Variants in PLEKHA5 observed in about 807,000 individuals in gnomAD.
PLEKHA5 encodes pleckstrin homology domain-containing family A member 5.
PLEKHA5 carries 55 observed loss-of-function variants against 181.9 expected under a neutral mutation model. That is an observed-to-expected ratio of 0.30 (90% CI 0.24 to 0.38). PLEKHA5 has a LOEUF of 0.38. Among genes scored for constraint, PLEKHA5 ranks in the 10% least tolerant of loss-of-function variants. PLEKHA5 has a pLI of 1.00. For missense variants in PLEKHA5, 1,432 were observed against 1,549.5 expected, an observed-to-expected ratio of 0.92 and a Z score of 1.27; for synonymous variants, 535 against 529.4, an observed-to-expected ratio of 1.01 and a Z score of -0.15.
intron 3 of PLEKHA5, among the ~76,000 whole-genome samples, chr12:19,219,511 C>T (rs2058589805): frequency 1.7e-5 from 1 of 60,064 alleles, no homozygotes; most frequent in Non-Finnish European, 4.5e-5. Context: ...CTCCTGTTTC[C>T]CTTCTTTTTT....
At chr12:19,305,466 C>T (rs1400346030) in intron 15 of PLEKHA5, among the ~76,000 whole-genome samples, 1 of 151,006 alleles carries the variant, frequency 6.6e-6, no homozygotes, top group Admixed American at 6.6e-5. Context: ...GAGGCTGAGG[C>T]AGGAGAATCA....
chr12:19,339,835 G>A (rs2093721001), intron 21 of PLEKHA5, among the ~76,000 whole-genome samples: 1 of 152,052 alleles, frequency 6.6e-6, no homozygotes, highest in African/African-American at 2.4e-5. Flanking sequence ...GTTATTATGA[G>A]GATAAATATG....
At chr12:19,175,999 A>G (rs1038962841) in intron 3 of PLEKHA5, among the ~76,000 whole-genome samples, 1 of 152,196 alleles carries the variant, frequency 6.6e-6, no homozygotes, top group African/African-American at 2.4e-5. Context: ...CCAGAAGGTA[A>G]TCCCTTTTGA....
rs77092105 is a variant in PLEKHA5 at position 19,284,827 on chromosome 12, G to A, written c.1779+1082G>A. On this transcript the variant is annotated intron_variant, in intron 12 of 31. Coordinates refer to ENST00000429027, the MANE Select transcript of PLEKHA5 (RefSeq NM_001256470.2). ...TCACACCTGTATTCCCAACACTTTG[G>A]GGAGCCAAGGCCATAGGATCACTTG... Among the ~76,000 whole-genome samples, 30 of 152,168 alleles carry A rather than the reference G, an allele frequency of 2.0e-4. 1 individual carries two copies. The East Asian group carries it at 5.8e-3, about 30-fold the overall frequency.
At chr12:19,218,967 A>G (rs1342848278) in intron 3 of PLEKHA5, among the ~76,000 whole-genome samples, 1 of 147,928 alleles carries the variant, frequency 6.8e-6, no homozygotes, top group Non-Finnish European at 1.5e-5. Flanking sequence ...TTATACTCTA[A>G]GTTTTAGGGT....
At chr12:19,148,554 C>A (rs2039542122) in intron 3 of PLEKHA5, among the ~76,000 whole-genome samples, 1 of 152,138 alleles carries the variant, frequency 6.6e-6, no homozygotes, top group African/African-American at 2.4e-5. Context: ...TCAGGACAAC[C>A]CCACAGAGTA....
chr12:19,332,401 T>A (rs2092934615), intron 20 of PLEKHA5, among the ~76,000 whole-genome samples: 1 of 152,172 alleles, frequency 6.6e-6, no homozygotes, highest in African/African-American at 2.4e-5. Flanking sequence ...ATCAAGACAT[T>A]GAATTTTACT....
chr12:19,209,439 G>T (rs1207324706), intron 3 of PLEKHA5, among the ~76,000 whole-genome samples: 1 of 152,140 alleles, frequency 6.6e-6, no homozygotes, highest in Non-Finnish European at 1.5e-5. Flanking sequence ...GCAGAAATAG[G>T]AGGCACCACC....
chr12:19,244,003 C>T (rs1475404836), intron 3 of PLEKHA5, among the ~76,000 whole-genome samples: 1 of 151,988 alleles, frequency 6.6e-6, no homozygotes, highest in Admixed American at 6.6e-5. Flanking sequence ...ACATTTTTCT[C>T]CTTTTTATTA....
intron 3 of PLEKHA5, among the ~76,000 whole-genome samples, chr12:19,236,218 T>G (rs1211257458): frequency 6.6e-6 from 1 of 152,236 alleles, no homozygotes; most frequent in Non-Finnish European, 1.5e-5. Context: ...TTACCTTTTC[T>G]GCTAGTTAGT....
At chr12:19,196,225 C>T (rs2052695111) in intron 3 of PLEKHA5, among the ~76,000 whole-genome samples, 1 of 152,076 alleles carries the variant, frequency 6.6e-6, no homozygotes, top group African/African-American at 2.4e-5. Context: ...TATGTCAGTA[C>T]TGATTAAGCA....
At chr12:19,309,782 C>T (rs1439995171) in intron 15 of PLEKHA5, among the ~76,000 whole-genome samples, 1 of 151,886 alleles carries the variant, frequency 6.6e-6, no homozygotes, top group Non-Finnish European at 1.5e-5. Flanking sequence ...TGTATAAAAC[C>T]GATACATTTG....
chr12:19,164,197 G>GT lies in PLEKHA5; in HGVS notation c.227+31766dup, dbSNP rs59712166. 0.016 allele frequency among the ~76,000 whole-genome samples: 1,486 copies of GT among 92,790 alleles called. 117 individuals carry two copies. In the East Asian group the frequency reaches 0.25, roughly 15 times the overall value. 60.9% of individuals were successfully genotyped at this position (92,790 alleles called of 152,430 possible). A position where few individuals can be genotyped will look rare whatever the true frequency, so the allele number is the denominator to read the frequency against. Reference sequence around the variant, plus strand: ...CACTTCTTGCTCTCCAGATGTTTTTGTTTTTTTTTTTTTTTTTTTGAGATG... The same window carrying GT: ...CACTTCTTGCTCTCCAGATGTTTTTGTTTTTTTTTTTTTTTTTTTTGAGATG... On this transcript the variant is annotated intron_variant, in intron 3 of 31. Transcript: ENST00000429027.
chr12:19,296,413 T>C (rs2079812768), intron 15 of PLEKHA5, among the ~76,000 whole-genome samples: 1 of 151,754 alleles, frequency 6.6e-6, no homozygotes, highest in African/African-American at 2.4e-5. Flanking sequence ...CCGGGCCTGG[T>C]GGTGTGTGCC....
rs188577060 is a variant in PLEKHA5 at position 19,263,176 on chromosome 12, T to A, written c.610+2155T>A. Among the ~76,000 whole-genome samples, 1,044 of 151,882 alleles carry A rather than the reference T, an allele frequency of 6.9e-3. 8 individuals carry two copies. Among genetic ancestry groups the A allele is most frequent in the African/African-American group, 0.023 (970 of 41,454 alleles). The stretch of plus-strand genomic sequence containing the variant: ...AGTGAGATCATAATAGCCTATATAT[T>A]TTTTTTTGCATATTTAGTATTTGTT... On this transcript the variant is annotated intron_variant, in intron 7 of 31. Coordinates refer to ENST00000429027, the MANE Select transcript of PLEKHA5 (RefSeq NM_001256470.2).
rs769115148 is a variant in PLEKHA5, at chr12:19,283,289, T to C, written c.1323T>C (p.Ser441=). The C allele has an allele frequency of 6.3e-7, 1 of 1,595,428 alleles. No individual in the cohort carries two copies. Among genetic ancestry groups the C allele is most frequent in the South Asian group, 1.1e-5 (1 of 88,550 alleles). ...GHEEETRGVI[S]YQTLPRNMPS... ...TATTTTTTTATTTTAGAGTAATTTC[T>C]TACCAAACATTACCAAGAAATATGC... Residue 441 remains serine (S), a synonymous_variant, in exon 12 of 32, where the codon TCT becomes TCC. Transcript: ENST00000429027.
In PLEKHA5 at chr12:19,287,542, C is replaced by A. The variant is rs777101900; in HGVS notation, c.1849C>A (p.Leu617Ile). Residue 617 changes from leucine to isoleucine, a missense_variant, in exon 13 of 32, where the codon CTC becomes ATC. Coordinates refer to ENST00000429027, the MANE Select transcript of PLEKHA5 (RefSeq NM_001256470.2). ...TTTACAGTCTGTTAGTCCCCAGAGC[C>A]TCCAAGGGAAAACGGTGAGTAATAT... ...LTLQSVSPQS[L>I]QGKTPEELTL... is the part of the protein sequence containing the mutation. 6.3e-7 allele frequency: 1 copy of A among 1,594,596 alleles called. No homozygotes were observed. The highest frequency in any genetic ancestry group is 8.6e-7 in the Non-Finnish European group (1 of 1,163,440).
chr12:19,359,759 C>G (rs1457011431), intron 28 of PLEKHA5, among the ~76,000 whole-genome samples: 2 of 149,476 alleles, frequency 1.3e-5, no homozygotes, highest in Non-Finnish European at 3.0e-5. Flanking sequence ...GTCAGGAGAT[C>G]GAGACCATCC....
intron 25 of PLEKHA5, among the ~76,000 whole-genome samples, chr12:19,352,691 A>G (rs2094668731): frequency 1.3e-5 from 2 of 151,232 alleles, no homozygotes; most frequent in African/African-American, 4.9e-5. Flanking sequence ...CTAGGATTAT[A>G]GGCAATGAGC....
Sources: allele counts gnomAD v4.1 joint callset (sites outside exome capture counted in the v4.1 genomes callset), GRCh38; gene constraint gnomAD v4.1.1; transcripts MANE v1.5; gene names NCBI Gene and HGNC (gene_info 2026-07-23, HGNC 2026-07-21).